Variants in NLGN1 observed in about 807,000 individuals in gnomAD.
The protein encoded by NLGN1 is neuroligin 1.
NLGN1 carries 12 observed loss-of-function variants against 65.5 expected under a neutral mutation model. That is an observed-to-expected ratio of 0.18 (90% CI 0.12 to 0.30). The LOEUF (loss-of-function observed/expected upper bound fraction) is 0.30, where lower values mean the gene tolerates loss of function less well. Among genes scored for constraint, NLGN1 ranks in the 10% least tolerant of loss-of-function variants. The probability of loss-of-function intolerance (pLI) is 1.00; values close to 1 mark genes in which losing one functional copy is unlikely to be tolerated. For missense variants in NLGN1, 750 were observed against 1,007.1 expected (o/e 0.74, Z 3.46); for synonymous variants, 350 against 359.5 (o/e 0.97, Z 0.30).
At chr3:173,449,509 T>G (rs1258672119) in intron 2 of NLGN1, among the ~76,000 whole-genome samples, 1 of 152,184 alleles carries the variant, frequency 6.6e-6, no homozygotes, top group Non-Finnish European at 1.5e-5. Context: ...GTAATAGGTG[T>G]GGTGTGGTGC....
intron 2 of NLGN1, among the ~76,000 whole-genome samples, chr3:173,490,591 C>A (rs969585930): frequency 3.3e-5 from 5 of 152,046 alleles, no homozygotes; most frequent in Non-Finnish European, 7.4e-5. Flanking sequence ...TTTTGTGGTT[C>A]CATATGAACT....
intron 2 of NLGN1, among the ~76,000 whole-genome samples, chr3:173,493,310 C>T (rs949212689): frequency 6.6e-6 from 1 of 151,684 alleles, no homozygotes; most frequent in African/African-American, 2.4e-5. Context: ...ATTTTGCCTA[C>T]TAGTGAAGGG....
chr3:174,064,509 C>T (rs960763004), intron 4 of NLGN1, among the ~76,000 whole-genome samples: 12 of 151,354 alleles, frequency 7.9e-5, no homozygotes, highest in African/African-American at 2.9e-4. Context: ...TATAACTTAA[C>T]CTCTCTATGC....
intron 4 of NLGN1, among the ~76,000 whole-genome samples, chr3:174,184,639 G>A (rs1731065398): frequency 6.6e-6 from 1 of 152,172 alleles, no homozygotes; most frequent in South Asian, 2.1e-4. Flanking sequence ...TACATGCTCA[G>A]CACTGCTCTG....
intron 4 of NLGN1, among the ~76,000 whole-genome samples, chr3:173,908,173 T>A (rs936677370): frequency 6.6e-6 from 1 of 151,954 alleles, no homozygotes. Context: ...CTGGAAAAAA[T>A]ATGTATTTAA....
chr3:174,212,344 C>T (rs1736839626), intron 4 of NLGN1, among the ~76,000 whole-genome samples: 1 of 152,198 alleles, frequency 6.6e-6, no homozygotes, highest in South Asian at 2.1e-4. Context: ...GGTTCCCGCC[C>T]GCGCCTCTCC....
intron 4 of NLGN1, among the ~76,000 whole-genome samples, chr3:174,217,598 T>C (rs377551698): frequency 1.1e-4 from 16 of 152,150 alleles, no homozygotes; most frequent in South Asian, 8.3e-4. Flanking sequence ...TCTAATCCCC[T>C]TCACGAAGGC....
chr3:174,177,234 C>T (rs1729618271), intron 4 of NLGN1, among the ~76,000 whole-genome samples: 1 of 151,878 alleles, frequency 6.6e-6, no homozygotes, highest in Non-Finnish European at 1.5e-5. Flanking sequence ...TATATGGTAA[C>T]CCATTATTTT....
At chr3:174,163,572 T>G (rs1331764870) in intron 4 of NLGN1, among the ~76,000 whole-genome samples, 1 of 151,994 alleles carries the variant, frequency 6.6e-6, no homozygotes, top group African/African-American at 2.4e-5. Flanking sequence ...TTTCAACCCT[T>G]GCTTTCCTCC....
intron 4 of NLGN1, among the ~76,000 whole-genome samples, chr3:173,978,440 T>C (rs1449661462): frequency 9.2e-5 from 14 of 151,938 alleles, no homozygotes; most frequent in Non-Finnish European, 1.5e-5. Context: ...AGTACGTAGA[T>C]AAAATTAAAG....
downstream of NLGN1, among the ~76,000 whole-genome samples, chr3:174,291,117 G>A (rs943280084): frequency 6.7e-6 from 1 of 149,848 alleles, no homozygotes; most frequent in Non-Finnish European, 1.5e-5. Context: ...AAAAAGAAAT[G>A]GGAATAAATA....
chr3:173,754,024 CTT>C (rs71162358), intron 3 of NLGN1, among the ~76,000 whole-genome samples: 1,219 of 121,524 alleles, frequency 0.01, 10 homozygotes, highest in Middle Eastern at 0.037. Flanking sequence ...TCTTTCTTTT[CTT>C]TTTTTTTTTT....
At chr3:173,544,589 G>A (rs1739448851) in intron 2 of NLGN1, among the ~76,000 whole-genome samples, 1 of 152,008 alleles carries the variant, frequency 6.6e-6, no homozygotes, top group Admixed American at 6.6e-5. Flanking sequence ...CTTGAGACAA[G>A]TTTGAGATAC....
chr3:173,445,505 T>A (rs34132066), intron 2 of NLGN1, among the ~76,000 whole-genome samples: 3,791 of 152,288 alleles, frequency 0.025, 64 homozygotes, highest in Admixed American at 0.04. Context: ...AATTTGCCAA[T>A]GATCTCATAG....
chr3:173,568,853 G>A (rs1258872480), intron 2 of NLGN1, among the ~76,000 whole-genome samples: 1 of 151,800 alleles, frequency 6.6e-6, no homozygotes, highest in Non-Finnish European at 1.5e-5. Context: ...TTTTTTTCTT[G>A]TATTTTTAGT....
At chr3:173,567,253 C>CA (rs1020849547) in intron 2 of NLGN1, among the ~76,000 whole-genome samples, 1 of 152,014 alleles carries the variant, frequency 6.6e-6, no homozygotes, top group African/African-American at 2.4e-5. Flanking sequence ...TTAGAGAGGG[C>CA]AGATTCACCA....
chr3:174,078,182 G>A lies in NLGN1; in HGVS notation c.647-197133G>A, dbSNP rs537604830. On this transcript the variant is annotated intron_variant, in intron 4 of 6. Transcript: ENST00000457714. ...GGTTTTCAAGGAGAGGAACAGGTAA[G>A]ATAGATTATTTTGCTAATTAATGTA... Among the ~76,000 whole-genome samples, 191 of 152,238 alleles carry A rather than the reference G, an allele frequency of 1.3e-3. 1 individual carries two copies. Among genetic ancestry groups the A allele is most frequent in the Non-Finnish European group, 2.3e-3 (158 of 67,996 alleles).
intron 2 of NLGN1, among the ~76,000 whole-genome samples, chr3:173,577,496 C>G (rs1471647468): frequency 3.3e-5 from 5 of 152,014 alleles, no homozygotes; most frequent in Non-Finnish European, 7.4e-5. Flanking sequence ...TAATTGTTTT[C>G]TTTTGTAACA....
intron 4 of NLGN1, among the ~76,000 whole-genome samples, chr3:173,872,577 C>A (rs936874030): frequency 6.6e-6 from 1 of 151,966 alleles, no homozygotes; most frequent in Non-Finnish European, 1.5e-5. Context: ...ATGCAAATGC[C>A]CCTGAAGCAT....
Sources: allele counts gnomAD v4.1 joint callset (sites outside exome capture counted in the v4.1 genomes callset), GRCh38; gene constraint gnomAD v4.1.1; transcripts MANE v1.5; gene names NCBI Gene and HGNC (gene_info 2026-07-23, HGNC 2026-07-21).